KLF12: variants seen among roughly 807,000 people sequenced by gnomAD.
KLF12 encodes the protein Krueppel-like factor 12.
A neutral mutation model predicts 37.8 loss-of-function variants in KLF12; 9 were observed. The observed-to-expected ratio is 0.24, with a 90% CI of 0.14 to 0.42. KLF12 has a LOEUF of 0.42. Ranked by LOEUF, KLF12 falls within the 10% of genes least tolerant of loss-of-function variation. KLF12 has a pLI of 1.00. For synonymous variants in KLF12, 208 were observed against 202.1 expected (o/e 1.03, Z -0.25); for missense variants, 411 against 516.0 (o/e 0.80, Z 1.97).
the KLF12 span, among the ~76,000 whole-genome samples, chr13:74,276,303 G>A: frequency 5.3e-5 from 8 of 151,994 alleles, no homozygotes; most frequent in African/African-American, 1.9e-4. Context: ...TGTAGAGATG[G>A]GTTCTCACTA....
the KLF12 span, among the ~76,000 whole-genome samples, chr13:74,178,140 G>C: frequency 1.3e-5 from 2 of 152,248 alleles, no homozygotes; most frequent in East Asian, 3.9e-4. Flanking sequence ...TTGCCTTATG[G>C]TCATCAGCCA....
chr13:73,695,237 G>A lies in KLF12; in HGVS notation c.*253C>T, dbSNP rs1381092791. 7 of 460,114 alleles carry A rather than the reference G, an allele frequency of 1.5e-5. No homozygotes were observed. Among genetic ancestry groups the A allele is most frequent in the South Asian group, 7.7e-5 (2 of 25,952 alleles). 28.5% of individuals were successfully genotyped at this position (460,114 alleles called of 1,614,324 possible). A position where few individuals can be genotyped will look rare whatever the true frequency, so the allele number is the denominator to read the frequency against. The stretch of plus-strand genomic sequence containing the variant: ...CTTTAAATGGCAGAGGACACAGCAC[G>A]GAAAACAATGCCTGTCTCTTCAGCA... On this transcript the variant is annotated 3_prime_UTR_variant, in exon 8 of 8. Coordinates refer to ENST00000377669, the MANE Select transcript of KLF12 (RefSeq NM_007249.5).
intron 1 of KLF12, among the ~76,000 whole-genome samples, chr13:74,066,307 C>T (rs1276054380): frequency 1.3e-5 from 2 of 152,150 alleles, no homozygotes; most frequent in East Asian, 1.9e-4. Context: ...TTTTCTTTAT[C>T]CATAGTTTTT....
chr13:74,202,049 G>A, the KLF12 span, among the ~76,000 whole-genome samples: 1 of 152,000 alleles, frequency 6.6e-6, no homozygotes, highest in Non-Finnish European at 1.5e-5. Context: ...TTCCCATTTT[G>A]CTTTCTTATT....
At chr13:74,167,190 A>G in the KLF12 span, among the ~76,000 whole-genome samples, 2 of 152,240 alleles carry the variant, frequency 1.3e-5, no homozygotes, top group Non-Finnish European at 2.9e-5. Context: ...GCTAAGGCAT[A>G]TAGAGATGCT....
the KLF12 span, among the ~76,000 whole-genome samples, chr13:74,144,068 C>G: frequency 6.6e-5 from 10 of 152,186 alleles, no homozygotes; most frequent in Admixed American, 4.6e-4. Context: ...AGGAGTTCCA[C>G]AAGGCCAGAT....
At chr13:74,136,425 T>C (rs1287698730), upstream of KLF12, among the ~76,000 whole-genome samples, 2 of 152,122 alleles carry the variant, frequency 1.3e-5, no homozygotes, top group African/African-American at 4.8e-5. Context: ...AACGAGAAAC[T>C]TGCCTCTACT....
chr13:74,162,698 G>C, the KLF12 span, among the ~76,000 whole-genome samples: 1,479 of 152,110 alleles, frequency 9.7e-3, 22 homozygotes, highest in African/African-American at 0.033. Flanking sequence ...TTCCACCCCT[G>C]GCAGAGGTTT....
rs1395244568 is a variant in KLF12, at chr13:73,692,860, C to A, written c.*2630G>T. 1.3e-5 allele frequency: 2 copies of A among 152,574 alleles called. No homozygotes were observed. The highest frequency in any genetic ancestry group is 4.8e-5 in the African/African-American group (2 of 41,434). 9.5% of individuals were successfully genotyped at this position (152,574 alleles called of 1,614,324 possible). On this transcript the variant is annotated 3_prime_UTR_variant, in exon 8 of 8. Coordinates refer to ENST00000377669, the MANE Select transcript of KLF12 (RefSeq NM_007249.5). ...CTGACAGGTTTTATCAGTTAACTTA[C>A]CATCTCAGTCTGGTTTCCACTTTCA...
At chr13:73,836,148 T>C (rs528700645) in intron 4 of KLF12, among the ~76,000 whole-genome samples, 100 of 152,202 alleles carry the variant, frequency 6.6e-4, no homozygotes, top group Non-Finnish European at 2.4e-4. Context: ...GAATTGAGTA[T>C]GTGATTATCA....
chr13:73,810,982 C>CTTTCTTTTTTTTTTTTTTTTTTTTTTTTT (rs1555308731), intron 5 of KLF12, among the ~76,000 whole-genome samples: 2 of 44,808 alleles, frequency 4.5e-5, no homozygotes, highest in African/African-American at 1.7e-4. Flanking sequence ...ATTTTTCTTT[C>CTTTCTTTTTTTTTTTTTTTTTTTTTTTTT]TTTTTTTTTT....
At chr13:73,755,735 C>A (rs1481617136) in intron 6 of KLF12, among the ~76,000 whole-genome samples, 4 of 151,926 alleles carry the variant, frequency 2.6e-5, no homozygotes, top group African/African-American at 9.7e-5. Context: ...GCAGTGTACA[C>A]TGTACCCTCA....
At chr13:74,005,293 T>C (rs1047608040) in intron 1 of KLF12, among the ~76,000 whole-genome samples, 9 of 152,262 alleles carry the variant, frequency 5.9e-5, no homozygotes, top group Non-Finnish European at 1.2e-4. Flanking sequence ...CCTAAAATGA[T>C]TGAAATATAG....
chr13:74,143,194 C>T, the KLF12 span, among the ~76,000 whole-genome samples: 1 of 151,738 alleles, frequency 6.6e-6, no homozygotes, highest in Non-Finnish European at 1.5e-5. Context: ...CTCTTTCTCC[C>T]TCTTTCTTAC....
chr13:74,245,138 T>C, the KLF12 span, among the ~76,000 whole-genome samples: 5 of 152,280 alleles, frequency 3.3e-5, no homozygotes, highest in Admixed American at 1.3e-4. Flanking sequence ...TTTGTTTTGG[T>C]ATTTGGGTAG....
At chr13:73,924,874 A>G (rs1889300339) in intron 3 of KLF12, among the ~76,000 whole-genome samples, 1 of 152,198 alleles carries the variant, frequency 6.6e-6, no homozygotes, top group Non-Finnish European at 1.5e-5. Context: ...GCTGATATGG[A>G]GTAAGTTTGA....
chr13:73,780,246 T>A (rs1220222506), intron 5 of KLF12, among the ~76,000 whole-genome samples: 1 of 152,194 alleles, frequency 6.6e-6, no homozygotes, highest in African/African-American at 2.4e-5. Flanking sequence ...TTTTCTTTTT[T>A]AAAAATTTCA....
chr13:73,824,706 T>A (rs1217727227), intron 4 of KLF12, among the ~76,000 whole-genome samples: 1 of 152,158 alleles, frequency 6.6e-6, no homozygotes, highest in Non-Finnish European at 1.5e-5. Context: ...CCACATTAAT[T>A]CTGTTTGGTA....
chr13:74,272,275 C>A, the KLF12 span, among the ~76,000 whole-genome samples: 2 of 152,130 alleles, frequency 1.3e-5, no homozygotes, highest in Non-Finnish European at 2.9e-5. Context: ...AAAGGCTAAA[C>A]ATACATGTGG....
Sources: gnomAD v4.1 joint callset for allele counts (sites outside exome capture counted in the v4.1 genomes callset) on GRCh38, gnomAD v4.1.1 for gene constraint, MANE v1.5 for transcripts, NCBI Gene and HGNC (gene_info 2026-07-23, HGNC 2026-07-21) for gene names.